RAP1A: variants seen among roughly 807,000 people sequenced by gnomAD.
RAP1A encodes the protein ras-related protein Rap-1A.
RAP1A carries 6 observed loss-of-function variants against 26.4 expected under a neutral mutation model. The observed-to-expected ratio is 0.23, with a 90% CI of 0.12 to 0.45. The LOEUF is 0.45. RAP1A is among the 20% of genes least tolerant of loss of function. The pLI, the probability that RAP1A is intolerant of heterozygous loss-of-function variation, is 0.99. For missense variants in RAP1A, 121 were observed against 217.2 expected (o/e 0.56, Z 2.78); for synonymous variants, 73 against 79.4 (o/e 0.92, Z 0.43).
At chr1:111,599,777 C>CTAGCCT (rs1658634390) in intron 1 of RAP1A, 1 of 151,982 alleles carries the variant, frequency 6.6e-6, no homozygotes, top group African/African-American at 2.4e-5. Flanking sequence ...GATGTTTGTC[C>CTAGCCT]CCCCCAAGTC....
intron 1 of RAP1A, among the ~76,000 whole-genome samples, chr1:111,641,635 G>A (rs370472251): frequency 1.3e-5 from 2 of 151,338 alleles, no homozygotes; most frequent in East Asian, 1.9e-4. Flanking sequence ...GGGTGTGTGC[G>A]TGTGTGTGTG....
rs1049457845 is a variant in RAP1A at position 111,632,418 on chromosome 1, A to C, written c.-28+12484A>C. Among the ~76,000 whole-genome samples, 56 of 152,164 alleles carry C rather than the reference A, an allele frequency of 3.7e-4. 4 individuals are homozygous for C. On this transcript the variant is annotated intron_variant, in intron 1 of 7. Coordinates refer to ENST00000369709, the MANE Select transcript of RAP1A (RefSeq NM_002884.4). ...TGAAAGTAAATATAAGTAATTGAGA[A>C]ATTGAAAGAAATCAGAGTAAGGTTG...
At chr1:111,675,626 AC>A (rs997714853) in intron 1 of RAP1A, among the ~76,000 whole-genome samples, 16 of 152,204 alleles carry the variant, frequency 1.1e-4, no homozygotes, top group African/African-American at 3.9e-4. Flanking sequence ...GAAAACACAT[AC>A]TTTTCATTTT....
chr1:111,552,239 G>A (rs1657290549), intron 1 of RAP1A, among the ~76,000 whole-genome samples: 1 of 152,150 alleles, frequency 6.6e-6, no homozygotes, highest in African/African-American at 2.4e-5. Context: ...ATTTCCAAAT[G>A]ACGACATTCA....
chr1:111,646,389 T>C (rs1660063962), intron 1 of RAP1A, among the ~76,000 whole-genome samples: 1 of 150,322 alleles, frequency 6.7e-6, no homozygotes, highest in East Asian at 1.9e-4. Flanking sequence ...GGTGTGTCTG[T>C]CTTTAAATTC....
At chr1:111,670,317 C>CA (rs201741470) in intron 1 of RAP1A, among the ~76,000 whole-genome samples, 4,823 of 151,826 alleles carry the variant, frequency 0.032, 114 homozygotes, top group Non-Finnish European at 0.048. Context: ...ACCAAAAATA[C>CA]AAAAAAATTA....
chr1:111,595,647 A>C (rs1658552499), intron 1 of RAP1A, among the ~76,000 whole-genome samples: 1 of 152,298 alleles, frequency 6.6e-6, no homozygotes, highest in African/African-American at 2.4e-5. Context: ...TGGTTAGGTT[A>C]CCTGCTGGAG....
chr1:111,606,777 TTTA>T (rs1392043790), intron 1 of RAP1A, among the ~76,000 whole-genome samples: 2 of 152,200 alleles, frequency 1.3e-5, no homozygotes, highest in African/African-American at 4.8e-5. Context: ...TGCCGATAGT[TTTA>T]TTGTAACAGC....
chr1:111,626,337 T>G (rs1659395270), intron 1 of RAP1A, among the ~76,000 whole-genome samples: 1 of 151,378 alleles, frequency 6.6e-6, no homozygotes, highest in South Asian at 2.1e-4. Context: ...CAAGACTTAT[T>G]TTTTGTAAAT....
At chr1:111,552,749 G>C (rs564131304) in intron 1 of RAP1A, among the ~76,000 whole-genome samples, 2 of 152,204 alleles carry the variant, frequency 1.3e-5, no homozygotes, top group South Asian at 4.1e-4. Flanking sequence ...CTTCCTACAT[G>C]CATGACCTGG....
intron 1 of RAP1A, chr1:111,680,578 G>C (rs748577634): frequency 6.6e-6 from 1 of 152,650 alleles, no homozygotes; most frequent in Admixed American, 6.5e-5. Context: ...AGGAAGTCCA[G>C]CTGGCTTCAC....
chr1:111,677,705 T>C (rs1661170907), intron 1 of RAP1A, among the ~76,000 whole-genome samples: 1 of 152,164 alleles, frequency 6.6e-6, no homozygotes, highest in Non-Finnish European at 1.5e-5. Context: ...TCAGAGCAAA[T>C]GATCCAAGAG....
At chr1:111,691,277 A>G (rs1661657029) in intron 1 of RAP1A, 57 bp from the exon 2 acceptor site, 2 of 1,279,636 alleles carry the variant, frequency 1.6e-6, no homozygotes, top group Admixed American at 3.8e-5. Flanking sequence ...GCAGTAGTGT[A>G]CATTATTAGA....
At chr1:111,600,484 G>T (rs1244222414) in intron 1 of RAP1A, among the ~76,000 whole-genome samples, 1 of 152,216 alleles carries the variant, frequency 6.6e-6, no homozygotes, top group Non-Finnish European at 1.5e-5. Flanking sequence ...GTGGCCACAC[G>T]CCAGGCAGCA....
At chr1:111,644,342 G>A (rs1471658038) in intron 1 of RAP1A, among the ~76,000 whole-genome samples, 2 of 152,078 alleles carry the variant, frequency 1.3e-5, no homozygotes, top group Non-Finnish European at 1.5e-5. Context: ...AGTTTGCAGG[G>A]GTAGGGACCT....
In RAP1A at chr1:111,648,958, C is replaced by T. The variant is rs75785564; in HGVS notation, c.-28+29024C>T. ...TTCTTCTTCATGAAGAACAGCTCTT[C>T]GTTGAGAGCCTCGATCTCTGGCTTC... is the stretch of plus-strand genomic sequence containing the variant. On this transcript the variant is annotated intron_variant, in intron 1 of 7. Coordinates refer to ENST00000369709, the MANE Select transcript of RAP1A (RefSeq NM_002884.4). 3,771 of 667,108 alleles carry T rather than the reference C, an allele frequency of 5.7e-3. 87 individuals are homozygous for T. The African/African-American group carries it at 0.06, about 11-fold the overall frequency. The allele number at this position is 667,108 out of a possible 1,614,324, so 41.3% of individuals were successfully genotyped here.
chr1:111,691,612 A>T (rs1207048993), intron 2 of RAP1A, among the ~76,000 whole-genome samples, 195 bp downstream of exon 2: 2 of 152,212 alleles, frequency 1.3e-5, no homozygotes, highest in African/African-American at 2.4e-5. Context: ...ATTTATTCTT[A>T]TATTTACCAA....
At position 111,620,054 on chromosome 1, in the gene RAP1A, C is replaced by G. The variant is rs779213260; in HGVS notation, c.-28+120C>G. The G allele has an allele frequency of 8.4e-4, 331 of 393,588 alleles. 2 individuals are homozygous for G. The highest frequency in any genetic ancestry group is 4.7e-4 in the Non-Finnish European group (106 of 223,158). The allele number at this position is 393,588 out of a possible 1,614,324, so 24.4% of individuals were successfully genotyped here. On this transcript the variant is annotated intron_variant, in intron 1 of 7. Coordinates refer to ENST00000369709, the MANE Select transcript of RAP1A (RefSeq NM_002884.4). ...GTCGCCTGGCTCCCCCTTCCTCCTCCGCGTTCCATCGGTGTCGGGGCGGCG... is the reference window on the plus strand; with the variant it reads ...GTCGCCTGGCTCCCCCTTCCTCCTCGGCGTTCCATCGGTGTCGGGGCGGCG...
chr1:111,649,781 G>A (rs1660204120), intron 1 of RAP1A, among the ~76,000 whole-genome samples: 1 of 152,134 alleles, frequency 6.6e-6, no homozygotes, highest in African/African-American at 2.4e-5. Flanking sequence ...AGCTAAAGGT[G>A]CAAAAGAATG....
Sources: gnomAD v4.1 joint callset for allele counts (sites outside exome capture counted in the v4.1 genomes callset) on GRCh38, gnomAD v4.1.1 for gene constraint, MANE v1.5 for transcripts, NCBI Gene and HGNC (gene_info 2026-07-23, HGNC 2026-07-21) for gene names.